Variants in HERC2 observed in about 807,000 individuals in gnomAD.
The protein encoded by HERC2 is E3 ubiquitin-protein ligase HERC2.
Under a neutral mutation model 537.7 loss-of-function variants are expected in HERC2, and 102 were observed. The observed-to-expected ratio is 0.19, with a 90% CI of 0.16 to 0.22. HERC2 has a LOEUF of 0.22. HERC2 is among the 10% of genes least tolerant of loss of function. HERC2 has a pLI of 1.00. For missense variants in HERC2, 4,236 were observed against 6,198.2 expected, an observed-to-expected ratio of 0.68 and a Z score of 10.63; for synonymous variants, 2,224 against 2,466.2, an observed-to-expected ratio of 0.90 and a Z score of 2.91.
chr15:28,152,903 C>T (rs1892602349), intron 69 of HERC2, 73 bp from the exon 70 acceptor site: 3 of 1,443,620 alleles, frequency 2.1e-6, no homozygotes, highest in Non-Finnish European at 1.9e-6. Flanking sequence ...CCACCTCTGC[C>T]CGTCCTGCTC....
rs762756346 is a variant in HERC2 at position 28,116,668 on chromosome 15, G to A, written c.13606C>T (p.Leu4536=). The A allele has an allele frequency of 6.2e-7, 1 of 1,606,374 alleles. No homozygotes were observed. The highest frequency in any genetic ancestry group is 1.1e-5 in the South Asian group (1 of 90,688). The part of the protein sequence containing the change: ...APVHSSMFRF[L]GVLLGIAIRT... ...CTCAAGCGGCCGAGAAGCTCACCCA[G>A]GAAGCGGAACATGCTGCTGTGCACG... Residue 4536 remains leucine (L), a synonymous_variant, in exon 88 of 93, where the codon CTG becomes TTG. Transcript: ENST00000261609.
intron 47 of HERC2, 25 bp from the exon 48 acceptor site, chr15:28,201,579 CA>C: frequency 1.4e-6 from 2 of 1,433,330 alleles, no homozygotes; most frequent in Non-Finnish European, 2.0e-6. Flanking sequence ...TACATTCAAA[CA>C]AAAAAACAGG....
chr15:28,233,601 G>C (rs1902108863), intron 28 of HERC2, 40 bp from the exon 29 acceptor site: 1 of 1,613,620 alleles, frequency 6.2e-7, no homozygotes, highest in Non-Finnish European at 8.5e-7. Flanking sequence ...GGATGAATAT[G>C]TACCTCAGGT....
chr15:28,321,861 G>C (rs1445567406), intron 1 of HERC2, among the ~76,000 whole-genome samples: 3 of 145,722 alleles, frequency 2.1e-5, no homozygotes, highest in Non-Finnish European at 4.4e-5. Flanking sequence ...GCGCGTGCGT[G>C]AAACAAAAAA....
At chr15:28,209,796 TATA>T (rs1232180946) in intron 44 of HERC2, among the ~76,000 whole-genome samples, 1 of 152,168 alleles carries the variant, frequency 6.6e-6, no homozygotes, top group African/African-American at 2.4e-5. Flanking sequence ...GGGAAGACTA[TATA>T]AGTACCATCA....
At position 28,263,009 on chromosome 15, in the gene HERC2, T is replaced by C. The variant is rs775379607; in HGVS notation, c.2031A>G (p.Gln677=). ...QFSIALTKDG[Q]VYSWGKGDNQ... is the part of the protein sequence containing the mutation. ...TGTCACCTTTTCCCCATGAATAAAC[T>C]TGGCCATCTTTCGTCAAAGCAATGG... The change falls in exon 15 of 93, where the codon CAA becomes CAG. Residue 677 remains glutamine, a synonymous_variant. Transcript: ENST00000261609. 5.6e-6 allele frequency: 9 copies of C among 1,614,092 alleles called. No individual in the cohort carries two copies. Among genetic ancestry groups the C allele is most frequent in the Non-Finnish European group, 6.8e-6 (8 of 1,180,042 alleles).
At chr15:28,231,081 TAACTGAATC>T (rs1470883670) in intron 30 of HERC2, among the ~76,000 whole-genome samples, 2 of 152,196 alleles carry the variant, frequency 1.3e-5, no homozygotes, top group African/African-American at 2.4e-5. Context: ...TGTTACTGTG[TAACTGAATC>T]AACTGAATTC....
chr15:28,237,816 G>A (rs1385793305), intron 25 of HERC2, among the ~76,000 whole-genome samples: 1 of 152,112 alleles, frequency 6.6e-6, no homozygotes, highest in Non-Finnish European at 1.5e-5. Flanking sequence ...AAGATTATAA[G>A]CCATTCCAAA....
At chr15:28,172,332 A>G (rs1407364231) in intron 65 of HERC2, among the ~76,000 whole-genome samples, 1 of 152,240 alleles carries the variant, frequency 6.6e-6, no homozygotes, top group African/African-American at 2.4e-5. Flanking sequence ...ATATATTTGA[A>G]AAAGAACAAA....
chr15:28,268,660 G>A lies in HERC2; in HGVS notation c.1447-44C>T, dbSNP rs752874571. 36 of 1,555,332 alleles carry A rather than the reference G, an allele frequency of 2.3e-5. No homozygotes were observed. The highest frequency in any genetic ancestry group is 7.9e-6 in the Non-Finnish European group (9 of 1,140,048). On this transcript the variant is annotated intron_variant, in intron 11 of 92. Coordinates refer to ENST00000261609, the MANE Select transcript of HERC2 (RefSeq NM_004667.6). This position sits in a 1 kb window ranked among gnomAD's most constrained non-coding sequence, Gnocchi z 4.7. ...GAAGAAAAGTAGTCATCAGTCCAAG[G>A]AAAATGAAACCAGCTCAGCTCTCCG...
chr15:28,305,758 A>G (rs1167187349), intron 2 of HERC2, among the ~76,000 whole-genome samples: 176 of 142,820 alleles, frequency 1.2e-3, no homozygotes, highest in African/African-American at 4.3e-3. Context: ...AACATGGGAG[A>G]AAATTTTCGC....
intron 2 of HERC2, chr15:28,315,603 G>C: frequency 2.0e-6 from 1 of 498,340 alleles, no homozygotes; most frequent in Non-Finnish European, 4.0e-6. Context: ...GACCAGCCTG[G>C]GCAACATGGT....
At chr15:28,218,270 C>T (rs1900143852) in intron 38 of HERC2, among the ~76,000 whole-genome samples, 1 of 152,094 alleles carries the variant, frequency 6.6e-6, no homozygotes, top group African/African-American at 2.4e-5. Flanking sequence ...CAAGCAGCTT[C>T]CCCCTCACAG....
chr15:28,210,432 G>A (rs1207354947), intron 44 of HERC2, among the ~76,000 whole-genome samples: 53 of 152,248 alleles, frequency 3.5e-4, no homozygotes, highest in African/African-American at 9.6e-4. Flanking sequence ...CATTGTGCCC[G>A]GCTGGTGAAT....
chr15:28,127,571 G>C (rs367562821), intron 83 of HERC2, among the ~76,000 whole-genome samples: 1 of 152,118 alleles, frequency 6.6e-6, no homozygotes, highest in South Asian at 2.1e-4. Flanking sequence ...TCTGGGGAGC[G>C]GTGACGCCTC....
rs1280014343 is a variant in HERC2, at chr15:28,301,142, C to G, written c.73-1626G>C. ...CTGTTTCCTCAAACATGGCCAGGTG[C>G]GGTGGCTCACGCCTATAATCCTAGC... On this transcript the variant is annotated intron_variant, in intron 2 of 92. Transcript: ENST00000261609. Among the ~76,000 whole-genome samples the G allele has an allele frequency of 4.6e-5, 7 of 151,870 alleles. No individual in the cohort carries two copies. The East Asian group carries it at 1.4e-3, about 30-fold the overall frequency.
intron 4 of HERC2, among the ~76,000 whole-genome samples, chr15:28,281,872 C>T (rs922229265): frequency 1.3e-5 from 2 of 152,040 alleles, no homozygotes; most frequent in Admixed American, 6.6e-5. Flanking sequence ...ACTGCATTTG[C>T]CGCTTTTAAA....
At chr15:28,212,018 C>T (rs1025836627) in intron 43 of HERC2, among the ~76,000 whole-genome samples, 16 of 152,198 alleles carry the variant, frequency 1.1e-4, no homozygotes, top group African/African-American at 3.6e-4. Context: ...GCTACAGTCA[C>T]AGTCTTAGCC....
Position 28,112,977 on chromosome 15 carries a change from G to A in HERC2, c.14232+94C>T, listed in dbSNP as rs570833725. ...ATTTCTGTAAAGACTCAAGAGGCTC[G>A]TTTTCCATGTGCTGCAGGACTGTGG... On this transcript the variant is annotated intron_variant, in intron 92 of 92. Coordinates refer to ENST00000261609, the MANE Select transcript of HERC2 (RefSeq NM_004667.6). 1.1e-3 allele frequency: 1,126 copies of A among 982,954 alleles called. 1 individual carries two copies. Among genetic ancestry groups the A allele is most frequent in the Non-Finnish European group, 1.5e-3 (998 of 664,410 alleles). 60.9% of individuals were successfully genotyped at this position (982,954 alleles called of 1,614,324 possible).
Sources: gnomAD v4.1 joint callset for allele counts (sites outside exome capture counted in the v4.1 genomes callset) on GRCh38, gnomAD v4.1.1 for gene constraint, Gnocchi (gnomAD v3.1) non-coding constraint, MANE v1.5 for transcripts, NCBI Gene and HGNC (gene_info 2026-07-23, HGNC 2026-07-21) for gene names.